Variants in PPP2R2B observed in about 807,000 individuals in gnomAD.
The protein encoded by PPP2R2B is serine/threonine-protein phosphatase 2A 55 kDa regulatory subunit B beta isoform.
Under a neutral mutation model 46.0 loss-of-function variants are expected in PPP2R2B, and 5 were observed. The ratio of observed to expected loss-of-function variants is 0.11; its 90% confidence interval spans 0.06 to 0.23. The LOEUF is 0.23. Ranked by LOEUF, PPP2R2B falls within the 10% of genes least tolerant of loss-of-function variation. The pLI is 1.00. For synonymous variants in PPP2R2B, 215 were observed against 206.7 expected (o/e 1.04, Z -0.34); for missense variants, 367 against 575.0 (o/e 0.64, Z 3.70).
chr5:146,907,928 TC>T, intron 1 of PPP2R2B, among the ~76,000 whole-genome samples: 2 of 152,320 alleles, frequency 1.3e-5, no homozygotes, highest in Middle Eastern at 6.8e-3. Flanking sequence ...AGCATTGAAT[TC>T]CCTAGAAGGA....
chr5:147,073,168 G>A (rs2151911803), intron 2 of PPP2R2B, among the ~76,000 whole-genome samples: 1 of 152,322 alleles, frequency 6.6e-6, no homozygotes, highest in East Asian at 1.9e-4. Flanking sequence ...CACATTTAAA[G>A]TGATTGGCAT....
At chr5:146,999,542 A>G (rs1204781756) in intron 1 of PPP2R2B, among the ~76,000 whole-genome samples, 2 of 152,190 alleles carry the variant, frequency 1.3e-5, no homozygotes, top group African/African-American at 4.8e-5. Context: ...TGATTCTCAC[A>G]TGCCACTAAG....
intron 2 of PPP2R2B, among the ~76,000 whole-genome samples, chr5:146,759,139 A>G (rs1421800127): frequency 6.6e-6 from 1 of 152,166 alleles, no homozygotes; most frequent in Non-Finnish European, 1.5e-5. Flanking sequence ...AAGGCTTATG[A>G]TTTAAATTCA....
chr5:146,760,204 A>G (rs1276683872), intron 2 of PPP2R2B, among the ~76,000 whole-genome samples: 2 of 152,220 alleles, frequency 1.3e-5, no homozygotes, highest in Non-Finnish European at 2.9e-5. Context: ...GTTAGGAACT[A>G]TGCCAAGTGC....
intron 7 of PPP2R2B, among the ~76,000 whole-genome samples, chr5:146,621,864 A>C (rs1279459546): frequency 6.6e-6 from 1 of 152,202 alleles, no homozygotes; most frequent in Non-Finnish European, 1.5e-5. Context: ...ATGGGGAAGG[A>C]GAGACAGGTT....
At chr5:146,868,943 T>C (rs577549180) in intron 2 of PPP2R2B, among the ~76,000 whole-genome samples, 48 of 152,324 alleles carry the variant, frequency 3.2e-4, no homozygotes, top group African/African-American at 1.2e-3. Flanking sequence ...GCTTTAACTT[T>C]TCATTTAAAG....
At chr5:147,056,714 A>C (rs1258772061), upstream of PPP2R2B, among the ~76,000 whole-genome samples, 1 of 152,212 alleles carries the variant, frequency 6.6e-6, no homozygotes, top group Non-Finnish European at 1.5e-5. Flanking sequence ...AGAGACAGAT[A>C]GACTGATATT....
chr5:146,810,419 A>G (rs1455411023), intron 2 of PPP2R2B, among the ~76,000 whole-genome samples: 1 of 152,002 alleles, frequency 6.6e-6, no homozygotes, highest in African/African-American at 2.4e-5. Context: ...GGAGAAAACC[A>G]CCCCCATGAT....
rs189714703 is a variant in PPP2R2B, at chr5:146,699,486, A to G, written c.169-1342T>C. On this transcript the variant is annotated intron_variant, in intron 3 of 9. Transcript: ENST00000394411. ...CCCTGCTTTAGAAAATGTGTCCCCC[A>G]TCATTCTACGAATGAATCAGGCTTC... Among the ~76,000 whole-genome samples, 928 of 152,280 alleles carry G rather than the reference A, an allele frequency of 6.1e-3. 27 individuals carry two copies. The highest frequency in any genetic ancestry group is 0.041 in the Admixed American group (633 of 15,290).
At chr5:146,981,831 A>T (rs936344737) in intron 1 of PPP2R2B, among the ~76,000 whole-genome samples, 3 of 152,164 alleles carry the variant, frequency 2.0e-5, no homozygotes, top group African/African-American at 7.2e-5. Flanking sequence ...TATAAATGGA[A>T]TTGAGAGATA....
intron 7 of PPP2R2B, among the ~76,000 whole-genome samples, chr5:146,608,379 C>G (rs1477127531): frequency 6.6e-6 from 1 of 152,236 alleles, no homozygotes; most frequent in Non-Finnish European, 1.5e-5. Flanking sequence ...GCTTCATCAT[C>G]TCCAGGTTGG....
intron 7 of PPP2R2B, among the ~76,000 whole-genome samples, chr5:146,614,474 T>C (rs1314471338): frequency 7.9e-4 from 2 of 2,546 alleles, no homozygotes; most frequent in South Asian, 0.029. Context: ...CCAAAAGCAA[T>C]GGCAACAAAA....
intron 2 of PPP2R2B, among the ~76,000 whole-genome samples, chr5:146,765,634 T>C (rs532340018): frequency 7.5e-4 from 114 of 152,380 alleles, no homozygotes; most frequent in Middle Eastern, 6.8e-3. Flanking sequence ...TAACATCTAC[T>C]ACACTGGCTC....
chr5:146,911,129 G>A (rs1763165653), intron 1 of PPP2R2B, among the ~76,000 whole-genome samples: 1 of 149,364 alleles, frequency 6.7e-6, no homozygotes, highest in East Asian at 2.0e-4. Context: ...TGTCCCCCAA[G>A]TTGGAGTGCA....
chr5:146,914,263 A>G (rs192226870), intron 1 of PPP2R2B: 33 of 152,316 alleles, frequency 2.2e-4, no homozygotes, highest in Non-Finnish European at 4.4e-4. Context: ...AAGACCTTCT[A>G]TTATGAGCAA....
chr5:146,984,814 C>T (rs1753346582), intron 1 of PPP2R2B, among the ~76,000 whole-genome samples: 1 of 151,954 alleles, frequency 6.6e-6, no homozygotes, highest in African/African-American at 2.4e-5. Context: ...TGCATTTTCC[C>T]AGTGATTACA....
At chr5:146,683,830 A>C (rs1305577849) in intron 5 of PPP2R2B, among the ~76,000 whole-genome samples, 1 of 152,236 alleles carries the variant, frequency 6.6e-6, no homozygotes, top group East Asian at 1.9e-4. Context: ...TAATGATGGC[A>C]ATCAATAATG....
intron 2 of PPP2R2B, among the ~76,000 whole-genome samples, chr5:146,758,016 A>G (rs575926023): frequency 6.6e-6 from 1 of 152,288 alleles, no homozygotes; most frequent in Admixed American, 6.5e-5. Context: ...CCTCTCAGCT[A>G]CTCAGACCTG....
intron 2 of PPP2R2B, among the ~76,000 whole-genome samples, chr5:146,762,158 G>C (rs149232597): frequency 3.8e-3 from 573 of 152,244 alleles, no homozygotes; most frequent in Non-Finnish European, 6.0e-3. Flanking sequence ...TCCTTTAATG[G>C]ACAAAATGTT....
Sources: allele counts gnomAD v4.1 joint callset (sites outside exome capture counted in the v4.1 genomes callset), GRCh38; gene constraint gnomAD v4.1.1; transcripts MANE v1.5; gene names NCBI Gene and HGNC (gene_info 2026-07-23, HGNC 2026-07-21).